The following ZHX3 variants were observed in gnomAD, a reference collection of about 807,000 sequenced individuals.
The protein encoded by ZHX3 is zinc fingers and homeoboxes protein 3.
ZHX3 carries 20 observed loss-of-function variants against 64.5 expected under a neutral mutation model. That is an observed-to-expected ratio of 0.31 (90% CI 0.22 to 0.45). The LOEUF (loss-of-function observed/expected upper bound fraction) is 0.45, where lower values mean the gene tolerates loss of function less well. Among genes scored for constraint, ZHX3 ranks in the 20% least tolerant of loss-of-function variants. The pLI is 1.00. For synonymous variants in ZHX3, 423 were observed against 461.6 expected (o/e 0.92, Z 1.07); for missense variants, 1,041 against 1,195.8 (o/e 0.87, Z 1.91).
At chr20:41,292,013 TAAAA>T (rs61168786) in intron 1 of ZHX3, among the ~76,000 whole-genome samples, 90 of 94,708 alleles carry the variant, frequency 9.5e-4, no homozygotes, top group African/African-American at 3.1e-3. Flanking sequence ...ACCTCATCTT[TAAAA>T]AAAAAAAAAA....
chr20:41,237,282 T>C lies in ZHX3; in HGVS notation c.-151+31708A>G, dbSNP rs1043852245. On this transcript the variant is annotated intron_variant, in intron 2 of 3. Transcript: ENST00000683867. ...TACTGGGTATATACCCAAAGGATTATAAAACATGCTGCTATAAAGACACAT... is the reference window on the plus strand; with the variant it reads ...TACTGGGTATATACCCAAAGGATTACAAAACATGCTGCTATAAAGACACAT... Among the ~76,000 whole-genome samples the C allele has an allele frequency of 2.2e-4, 33 of 152,226 alleles. 1 individual carries two copies. The highest frequency in any genetic ancestry group is 3.3e-4 in the Admixed American group (5 of 15,284).
rs1568942617 is a variant in ZHX3, at chr20:41,284,317, C to CCATCTTACATGGGCAAGTTA, written c.-244-15235_-244-15234insTAACTTGCCCATGTAAGATG. ...TTCTATTCTCCAATTGCTTCAAGTC[C>CCATCTTACATGGGCAAGTTA]CATCTTACATGCCAACTATCCCCAA... On this transcript the variant is annotated intron_variant, in intron 1 of 3. Transcript: ENST00000683867. 9.8e-5 allele frequency among the ~76,000 whole-genome samples: 15 copies of CCATCTTACATGGGCAAGTTA among 152,290 alleles called. No homozygotes were observed. The South Asian group carries it at 3.1e-3, about 32-fold the overall frequency.
chr20:41,298,996 C>CG (rs2044676773), intron 1 of ZHX3, among the ~76,000 whole-genome samples: 1 of 152,138 alleles, frequency 6.6e-6, no homozygotes, highest in African/African-American at 2.4e-5. Context: ...GGCATCTCAC[C>CG]AGTGGGCATA....
intron 2 of ZHX3, among the ~76,000 whole-genome samples, chr20:41,217,784 G>A (rs894431121): frequency 2.0e-5 from 3 of 152,176 alleles, no homozygotes; most frequent in Non-Finnish European, 2.9e-5. Flanking sequence ...GAGCTATCGA[G>A]CAAGAAAGGG....
chr20:41,203,248 C>T lies in ZHX3; in HGVS notation c.1669G>A (p.Ala557Thr), dbSNP rs2038405340. The part of the protein sequence containing the change: ...YHCRNLKGSR[A>T]MIPGDHSSII... ...GAACTGTGATCTCCAGGTATCATCGCTCTGGAGCCCTTCAAGTTCCGGCAG... is the reference window on the plus strand; with the variant it reads ...GAACTGTGATCTCCAGGTATCATCGTTCTGGAGCCCTTCAAGTTCCGGCAG... The change falls in exon 3 of 4, where the codon GCG becomes ACG. Residue 557 changes from alanine (A) to threonine (T), a missense_variant. Around this residue, in one of 4 missense-constraint regions of ZHX3, gnomAD observed 649 missense variants for 739.8 expected, o/e 0.88. Coordinates refer to ENST00000683867, the MANE Select transcript of ZHX3 (RefSeq NM_001384317.1). The surrounding 1 kb of genome is among the most constrained non-coding windows in gnomAD (Gnocchi z 7.1). 1 of 1,614,170 alleles carries T rather than the reference C, an allele frequency of 6.2e-7. No homozygotes were observed. The highest frequency in any genetic ancestry group is 1.1e-5 in the South Asian group (1 of 91,076).
intron 1 of ZHX3, among the ~76,000 whole-genome samples, chr20:41,290,993 G>C (rs867918639): frequency 6.6e-6 from 1 of 152,174 alleles, no homozygotes; most frequent in Non-Finnish European, 1.5e-5. Flanking sequence ...GGGAGCTTTA[G>C]GATATTTTAA....
At chr20:41,298,004 A>G (rs1490771879) in intron 1 of ZHX3, among the ~76,000 whole-genome samples, 1 of 152,214 alleles carries the variant, frequency 6.6e-6, no homozygotes, top group Non-Finnish European at 1.5e-5. Context: ...GGACAGCCTT[A>G]GCTGTCAGCA....
chr20:41,268,135 GGAGA>G (rs967999920), intron 2 of ZHX3, among the ~76,000 whole-genome samples: 2 of 152,150 alleles, frequency 1.3e-5, no homozygotes, highest in East Asian at 1.9e-4. Flanking sequence ...TTGTGAAGGA[GGAGA>G]GAGAGATGTT....
chr20:41,241,268 T>C (rs1432168542), intron 2 of ZHX3, among the ~76,000 whole-genome samples: 2 of 152,266 alleles, frequency 1.3e-5, no homozygotes, highest in East Asian at 3.8e-4. Flanking sequence ...TAAATGATGC[T>C]GAGCACTTTT....
At chr20:41,210,695 C>T (rs900325055) in intron 2 of ZHX3, among the ~76,000 whole-genome samples, 8 of 151,980 alleles carry the variant, frequency 5.3e-5, no homozygotes, top group East Asian at 1.9e-4. Context: ...CACGGCCTGT[C>T]GTGGGGTGGG....
At chr20:41,253,245 TAAA>T (rs11469825) in intron 2 of ZHX3, among the ~76,000 whole-genome samples, 7,980 of 144,142 alleles carry the variant, frequency 0.055, 649 homozygotes, top group African/African-American at 0.18. Context: ...GGGACTACAG[TAAA>T]AAAAAAAAAA....
intron 1 of ZHX3, among the ~76,000 whole-genome samples, chr20:41,301,159 G>A (rs1283731881): frequency 6.6e-6 from 1 of 152,118 alleles, no homozygotes; most frequent in Non-Finnish European, 1.5e-5. Context: ...GGAAATACTG[G>A]ATCAAATTGT....
intron 2 of ZHX3, among the ~76,000 whole-genome samples, chr20:41,235,029 T>G (rs963396916): frequency 1.3e-5 from 2 of 152,240 alleles, no homozygotes; most frequent in Admixed American, 1.3e-4. Flanking sequence ...GCTAGTTCAC[T>G]TATCCCCATG....
chr20:41,313,375 A>C (rs192808279), intron 1 of ZHX3, among the ~76,000 whole-genome samples: 2 of 152,222 alleles, frequency 1.3e-5, no homozygotes, highest in South Asian at 2.1e-4. Flanking sequence ...AGGGGGTTCT[A>C]GGGTCCTGGG....
At chr20:41,297,488 G>A (rs1214577446) in intron 1 of ZHX3, among the ~76,000 whole-genome samples, 1 of 152,192 alleles carries the variant, frequency 6.6e-6, no homozygotes, top group Non-Finnish European at 1.5e-5. Flanking sequence ...CTGGGGGAAG[G>A]GGAAACATAG....
At chr20:41,217,972 G>C (rs867763287) in intron 2 of ZHX3, among the ~76,000 whole-genome samples, 6 of 152,280 alleles carry the variant, frequency 3.9e-5, no homozygotes, top group Middle Eastern at 6.8e-3. Context: ...TTTACAACCT[G>C]AACTATTCTA....
intron 1 of ZHX3, among the ~76,000 whole-genome samples, chr20:41,310,801 ATTTTTTTT>A (rs72312127): frequency 4.9e-5 from 4 of 82,142 alleles, no homozygotes; most frequent in Non-Finnish European, 8.5e-5. Context: ...GTTAATTCTG[ATTTTTTTT>A]TTTTTTTTTT....
chr20:41,295,077 CTACTA>C (rs2044439452), intron 1 of ZHX3, among the ~76,000 whole-genome samples: 1 of 152,128 alleles, frequency 6.6e-6, no homozygotes, highest in Non-Finnish European at 1.5e-5. Flanking sequence ...ATCCCTCAAA[CTACTA>C]TATTTCCAGT....
intron 3 of ZHX3, among the ~76,000 whole-genome samples, chr20:41,196,328 AT>A (rs1352574786): frequency 1.8e-5 from 2 of 109,960 alleles, no homozygotes; most frequent in African/African-American, 3.4e-5. Context: ...TAATAAATAT[AT>A]TTTTATTTCA....
Sources: allele counts gnomAD v4.1 joint callset (sites outside exome capture counted in the v4.1 genomes callset), GRCh38; gene constraint gnomAD v4.1.1; regional missense constraint gnomAD v4.1.1; non-coding constraint Gnocchi (gnomAD v3.1); transcripts MANE v1.5; gene names NCBI Gene and HGNC (gene_info 2026-07-23, HGNC 2026-07-21).